Variants in FOXJ3 observed in about 807,000 individuals in gnomAD.
The protein encoded by FOXJ3 is forkhead box J3, also known as forkhead box protein J3.
A neutral mutation model predicts 76.1 loss-of-function variants in FOXJ3; 22 were observed. That is an observed-to-expected ratio of 0.29 (90% confidence interval 0.21 to 0.41). FOXJ3 has a LOEUF of 0.41. Ranked by LOEUF, FOXJ3 falls within the 10% of genes least tolerant of loss-of-function variation. FOXJ3 has a pLI of 1.00. For missense variants in FOXJ3, 613 were observed against 762.1 expected, an observed-to-expected ratio of 0.80 and a Z score of 2.30; for synonymous variants, 269 against 261.2, an observed-to-expected ratio of 1.03 and a Z score of -0.29.
chr1:42,322,269 G>A (rs914612819), intron 1 of FOXJ3, among the ~76,000 whole-genome samples: 4 of 152,070 alleles, frequency 2.6e-5, no homozygotes, highest in Admixed American at 1.3e-4. Context: ...CAACTGTAAA[G>A]AGATGTTTTT....
At position 42,176,863 on chromosome 1, in the gene FOXJ3, T is replaced by C. The variant is rs1646224115; in HGVS notation, c.*2847A>G. On this transcript the variant is annotated 3_prime_UTR_variant, in exon 13 of 13. Coordinates refer to ENST00000361346, the MANE Select transcript of FOXJ3 (RefSeq NM_014947.5). ...AACAATATCAAAATACTCTATTCCATTTGAAATTATCCCCGGATTGATTCC... is the reference window on the plus strand; with the variant it reads ...AACAATATCAAAATACTCTATTCCACTTGAAATTATCCCCGGATTGATTCC... 6.6e-6 allele frequency: 1 copy of C among 152,646 alleles called. No individual in the cohort carries two copies. Among genetic ancestry groups the C allele is most frequent in the South Asian group, 2.1e-4 (1 of 4,824 alleles). 9.5% of individuals were successfully genotyped at this position (152,646 alleles called of 1,614,324 possible).
At chr1:42,297,057 G>GGT (rs1053918596) in intron 2 of FOXJ3, among the ~76,000 whole-genome samples, 3 of 151,518 alleles carry the variant, frequency 2.0e-5, no homozygotes, top group African/African-American at 7.3e-5. Flanking sequence ...TGCGGGTGTG[G>GGT]GTGTGTGTGT....
At chr1:42,189,866 G>A (rs1646508861) in intron 9 of FOXJ3, 1 of 155,582 alleles carries the variant, frequency 6.4e-6, no homozygotes, top group African/African-American at 2.4e-5. Context: ...AAGAGAGGCA[G>A]GTTCACATTT....
intron 2 of FOXJ3, among the ~76,000 whole-genome samples, chr1:42,295,586 T>TG (rs1296610522): frequency 7.0e-6 from 1 of 143,580 alleles, no homozygotes. Context: ...TGGAATGCAG[T>TG]GGCGCAATCT....
chr1:42,305,497 C>G (rs1654402146), intron 2 of FOXJ3, among the ~76,000 whole-genome samples: 1 of 152,206 alleles, frequency 6.6e-6, no homozygotes, highest in Non-Finnish European at 1.5e-5. Flanking sequence ...TTGGAAGCAT[C>G]CTAAGTGTCC....
In FOXJ3 at chr1:42,205,464, T is replaced by C. The variant is rs114291740; in HGVS notation, c.630+298A>G. Among the ~76,000 whole-genome samples the C allele has an allele frequency of 4.3e-3, 659 of 152,286 alleles. 3 individuals carry two copies. Among genetic ancestry groups the C allele is most frequent in the African/African-American group, 0.014 (590 of 41,562 alleles). On this transcript the variant is annotated intron_variant, in intron 6 of 12. Coordinates refer to ENST00000361346, the MANE Select transcript of FOXJ3 (RefSeq NM_014947.5). Reference sequence around the variant, plus strand: ...AGGTAATTAACAATTCTGAAACAAATTGACTCAATAAAATGCTGGCTCACA... The same window carrying C: ...AGGTAATTAACAATTCTGAAACAAACTGACTCAATAAAATGCTGGCTCACA...
At chr1:42,190,419 G>T (rs1280604971) in intron 9 of FOXJ3, among the ~76,000 whole-genome samples, 1 of 152,190 alleles carries the variant, frequency 6.6e-6, no homozygotes, top group African/African-American at 2.4e-5. Flanking sequence ...ACATGACCCT[G>T]CCATGAAGCA....
At chr1:42,226,272 C>CTTCTCAAATGATAACA (rs1553159732) in intron 5 of FOXJ3, among the ~76,000 whole-genome samples, 1 of 151,868 alleles carries the variant, frequency 6.6e-6, no homozygotes, top group Non-Finnish European at 1.5e-5. Context: ...ATGTTCGTTC[C>CTTCTCAAATGATAACA]TTCTCAAATG....
intron 2 of FOXJ3, among the ~76,000 whole-genome samples, chr1:42,296,525 G>A (rs536249010): frequency 1.3e-5 from 2 of 152,176 alleles, no homozygotes; most frequent in Non-Finnish European, 2.9e-5. Context: ...CATATGGCTA[G>A]CCAATATCCC....
chr1:42,300,806 T>G (rs2124731582), intron 2 of FOXJ3, among the ~76,000 whole-genome samples: 1 of 152,254 alleles, frequency 6.6e-6, no homozygotes, highest in East Asian at 1.9e-4. Context: ...TGGCTGGTAA[T>G]TTTTTCTTTA....
intron 2 of FOXJ3, among the ~76,000 whole-genome samples, chr1:42,292,857 T>C (rs1241915889): frequency 6.6e-6 from 1 of 152,194 alleles, no homozygotes; most frequent in Admixed American, 6.5e-5. Context: ...TCCCAGCACT[T>C]TGGGAGGCTA....
intron 5 of FOXJ3, among the ~76,000 whole-genome samples, chr1:42,222,076 A>AAGAAGAAGAAGAAGAAGAAGG (rs1647226694): frequency 1.5e-5 from 2 of 137,470 alleles, no homozygotes; most frequent in African/African-American, 5.9e-5. Flanking sequence ...GAAGAAGAAG[A>AAGAAGAAGAAGAAGAAGAAGG]AGAAGAAGAA....
rs1652454627 is a variant in FOXJ3, at chr1:42,278,434, G to A, written c.283C>T (p.Pro95Ser). The A allele has an allele frequency of 6.2e-7, 1 of 1,613,794 alleles. No homozygotes were observed. Among genetic ancestry groups the A allele is most frequent in the Middle Eastern group, 1.7e-4 (1 of 6,060 alleles). ...TCACTTAAAGTCATTTTCTTTTTGG[G>A]TGAGCTATTAATTGCAAATGTAATG... is the stretch of plus-strand genomic sequence containing the variant. Reference protein sequence around the residue: ...SLITFAINSSPKKKMTLSEIY... With the variant: ...SLITFAINSSSKKKMTLSEIY... Residue 95 changes from proline (P) to serine (S), a missense_variant, in exon 3 of 13, where the codon CCC becomes TCC. Physicochemically the swap from Pro to Ser is moderately conservative, Grantham distance 74. Coordinates refer to ENST00000361346, the MANE Select transcript of FOXJ3 (RefSeq NM_014947.5).
intron 1 of FOXJ3, chr1:42,315,361 A>T: frequency 1.5e-5 from 14 of 951,376 alleles, no homozygotes; most frequent in Non-Finnish European, 1.6e-5. Context: ...TAAAAAGCTA[A>T]TTTTTTTAAA....
At chr1:42,311,405 A>G (rs983437568) in intron 1 of FOXJ3, among the ~76,000 whole-genome samples, 7 of 152,240 alleles carry the variant, frequency 4.6e-5, no homozygotes, top group African/African-American at 1.7e-4. Context: ...CTGAGATTTC[A>G]TAATATGTAA....
At chr1:42,263,883 A>G (rs1007489429) in intron 4 of FOXJ3, among the ~76,000 whole-genome samples, 10 of 150,446 alleles carry the variant, frequency 6.6e-5, no homozygotes, top group African/African-American at 2.4e-4. Context: ...AGGGCAGTAG[A>G]TAACTAACAA....
chr1:42,323,798 A>C (rs186367047), intron 1 of FOXJ3: 14 of 517,290 alleles, frequency 2.7e-5, no homozygotes, highest in Admixed American at 6.4e-5. Context: ...AAGAAGGCAG[A>C]CTAGGTCTCT....
At chr1:42,329,224 G>C (rs1010723682) in intron 1 of FOXJ3, among the ~76,000 whole-genome samples, 1 of 152,164 alleles carries the variant, frequency 6.6e-6, no homozygotes, top group African/African-American at 2.4e-5. Flanking sequence ...ATATAACAAA[G>C]CTATTTCCAT....
intron 5 of FOXJ3, among the ~76,000 whole-genome samples, chr1:42,225,092 A>G (rs967451715): frequency 6.6e-6 from 1 of 152,012 alleles, no homozygotes; most frequent in Non-Finnish European, 1.5e-5. Flanking sequence ...AAAAAAAAAA[A>G]GGAAAGAAAG....
Sources: gnomAD v4.1 joint callset for allele counts (sites outside exome capture counted in the v4.1 genomes callset) on GRCh38, gnomAD v4.1.1 for gene constraint, MANE v1.5 for transcripts, NCBI Gene and HGNC (gene_info 2026-07-23, HGNC 2026-07-21) for gene names.